ADAMTSL1: variants seen among roughly 807,000 people sequenced by gnomAD.
ADAMTSL1 encodes ADAMTS like 1, also known as ADAMTS-like protein 1.
A neutral mutation model predicts 201.8 loss-of-function variants in ADAMTSL1; 126 were observed. The observed-to-expected ratio is 0.62, with a 90% CI of 0.54 to 0.72. ADAMTSL1 has a LOEUF of 0.72. ADAMTSL1 is among the 30% of genes least tolerant of loss of function. ADAMTSL1 has a pLI of 0.00. For missense variants in ADAMTSL1, 2,679 were observed against 2,277.8 expected (o/e 1.18, Z -3.59); for synonymous variants, 1,121 against 903.4 (o/e 1.24, Z -4.32).
At chr9:18,690,644 G>A (rs1031562753) in intron 13 of ADAMTSL1, among the ~76,000 whole-genome samples, 1 of 152,148 alleles carries the variant, frequency 6.6e-6, no homozygotes, top group African/African-American at 2.4e-5. Context: ...GCAAAGAGTT[G>A]AGCATTAGAA....
Position 18,777,211 on chromosome 9 carries a change from C to G in ADAMTSL1, c.2982C>G (p.Thr994=), listed in dbSNP as rs776052560. The change falls in exon 19 of 29, where the codon ACC becomes ACG. Residue 994 remains threonine (T), a synonymous_variant. Coordinates refer to ENST00000380548, the MANE Select transcript of ADAMTSL1 (RefSeq NM_001040272.6). The part of the protein sequence containing the change: ...RKGGPKEALQ[T]HKHQNGIFSN... Reference sequence around the variant, plus strand: ...GCGGCCCGAAGGAGGCCCTGCAGACCCACAAACACCAGAACGGGATCTTCT... The same window carrying G: ...GCGGCCCGAAGGAGGCCCTGCAGACGCACAAACACCAGAACGGGATCTTCT... 1.9e-6 allele frequency: 3 copies of G among 1,612,720 alleles called. No individual in the cohort carries two copies. The highest frequency in any genetic ancestry group is 3.3e-5 in the Admixed American group (2 of 60,004).
At chr9:18,510,515 C>T (rs1429667164) in intron 2 of ADAMTSL1, among the ~76,000 whole-genome samples, 2 of 152,096 alleles carry the variant, frequency 1.3e-5, no homozygotes, top group African/African-American at 4.8e-5. Flanking sequence ...TCTCCCCTAC[C>T]CTTTTTCTGA....
Position 17,952,376 on chromosome 9 carries a change from A to T in ADAMTSL1, c.87+45454A>T, listed in dbSNP as rs1206941701. ...TTTTTAACTTACAGGCCTTTAATCC[A>T]TGTGGTAATTTTTTGTTTACATCTA... On this transcript the variant is annotated intron_variant, in intron 1 of 29. Transcript: ENST00000680146. 2.0e-5 allele frequency among the ~76,000 whole-genome samples: 3 copies of T among 151,904 alleles called. No homozygotes were observed. In the East Asian group the frequency reaches 5.8e-4, roughly 29 times the overall value.
chr9:18,648,883 G>A (rs368033010), intron 7 of ADAMTSL1, among the ~76,000 whole-genome samples: 4 of 152,058 alleles, frequency 2.6e-5, no homozygotes, highest in Non-Finnish European at 5.9e-5. Flanking sequence ...TGCTCTTCTC[G>A]AGGAGTACCT....
chr9:18,890,414 G>A lies in ADAMTSL1; in HGVS notation c.4643+666G>A, dbSNP rs1829171595. The A allele has an allele frequency of 9.3e-6, 4 of 429,638 alleles. No individual in the cohort carries two copies. The Admixed American group carries it at 1.0e-4, about 11-fold the overall frequency. 26.6% of individuals were successfully genotyped at this position (429,638 alleles called of 1,614,324 possible). A position where few individuals can be genotyped will look rare whatever the true frequency, so the allele number is the denominator to read the frequency against. The stretch of plus-strand genomic sequence containing the variant: ...CCTCTGTCCTCAGCAGTAGTTAAAT[G>A]GATAATAGATGGGCTTGGAGTTGGC... On this transcript the variant is annotated intron_variant, in intron 25 of 28. Transcript: ENST00000380548.
At chr9:18,678,395 C>T (rs1039003139) in intron 10 of ADAMTSL1, among the ~76,000 whole-genome samples, 1 of 152,090 alleles carries the variant, frequency 6.6e-6, no homozygotes, top group Non-Finnish European at 1.5e-5. Context: ...TGTTTTACTT[C>T]AAGATTCCAC....
chr9:18,828,660 T>TTTTTTTATATA (rs10685537), intron 22 of ADAMTSL1, among the ~76,000 whole-genome samples: 3 of 28,534 alleles, frequency 1.1e-4, no homozygotes, highest in African/African-American at 3.5e-4. Flanking sequence ...GAAAGTATAT[T>TTTTTTTATATA]TATATATATA....
intron 1 of ADAMTSL1, among the ~76,000 whole-genome samples, chr9:18,019,012 G>A (rs1468163437): frequency 6.6e-6 from 1 of 152,050 alleles, no homozygotes; most frequent in African/African-American, 2.4e-5. Context: ...GAACACATTA[G>A]TCATAGAATT....
intron 4 of ADAMTSL1, among the ~76,000 whole-genome samples, chr9:18,588,875 A>G (rs1027350075): frequency 8.5e-6 from 1 of 118,196 alleles, no homozygotes; most frequent in Non-Finnish European, 1.8e-5. Context: ...TGCCATATAT[A>G]TACATATACA....
intron 2 of ADAMTSL1, among the ~76,000 whole-genome samples, chr9:18,316,423 TG>T (rs905332684): frequency 2.0e-5 from 3 of 152,054 alleles, no homozygotes; most frequent in African/African-American, 7.2e-5. Context: ...CGGGCACACC[TG>T]GGGGGGCCGT....
intron 2 of ADAMTSL1, among the ~76,000 whole-genome samples, chr9:18,520,891 G>A (rs1218527218): frequency 5.3e-5 from 8 of 152,216 alleles, no homozygotes; most frequent in African/African-American, 1.9e-4. Flanking sequence ...AAAGGCAGTG[G>A]AAAACTGCTT....
At chr9:18,871,061 TAAAG>T (rs2131461962) in intron 23 of ADAMTSL1, among the ~76,000 whole-genome samples, 1 of 152,338 alleles carries the variant, frequency 6.6e-6, no homozygotes, top group Non-Finnish European at 1.5e-5. Flanking sequence ...CTAAATTATA[TAAAG>T]AGATAGGTGT....
At chr9:17,934,367 T>A (rs527820656) in intron 1 of ADAMTSL1, among the ~76,000 whole-genome samples, 1 of 152,284 alleles carries the variant, frequency 6.6e-6, no homozygotes, top group Admixed American at 6.5e-5. Context: ...CTTCCACCTT[T>A]TTATGACCTT....
At chr9:18,254,046 C>T (rs1831573224) in intron 2 of ADAMTSL1, among the ~76,000 whole-genome samples, 1 of 152,160 alleles carries the variant, frequency 6.6e-6, no homozygotes, top group East Asian at 1.9e-4. Context: ...GGAGGCAGCA[C>T]CTCCTCGAGT....
intron 2 of ADAMTSL1, among the ~76,000 whole-genome samples, chr9:18,222,356 G>T (rs1185087310): frequency 2.6e-5 from 4 of 151,342 alleles, no homozygotes; most frequent in Non-Finnish European, 5.9e-5. Flanking sequence ...CTTTGGCTTG[G>T]TTTATTTTAT....
At chr9:18,232,003 G>T (rs1301385737) in intron 2 of ADAMTSL1, among the ~76,000 whole-genome samples, 1 of 152,146 alleles carries the variant, frequency 6.6e-6, no homozygotes, top group Non-Finnish European at 1.5e-5. Context: ...TCAGTAAGCA[G>T]CCAGAGTGTA....
intron 15 of ADAMTSL1, among the ~76,000 whole-genome samples, chr9:18,735,874 T>C (rs1818474758): frequency 1.4e-5 from 2 of 146,288 alleles, no homozygotes. Flanking sequence ...ACTGATGCAC[T>C]TACTGGGGAA....
chr9:18,822,790 T>C (rs989447293), intron 21 of ADAMTSL1, among the ~76,000 whole-genome samples: 1 of 152,172 alleles, frequency 6.6e-6, no homozygotes, highest in African/African-American at 2.4e-5. Context: ...ATGTTCAATG[T>C]TATTTCTCCG....
chr9:18,684,608 C>T (rs886513337), intron 12 of ADAMTSL1, 108 bp from the exon 13 acceptor site: 15 of 1,219,156 alleles, frequency 1.2e-5, no homozygotes, highest in African/African-American at 1.5e-5. Context: ...AAAACTTATT[C>T]GTGTTGGTCA....
Sources: allele counts gnomAD v4.1 joint callset (sites outside exome capture counted in the v4.1 genomes callset), GRCh38; gene constraint gnomAD v4.1.1; transcripts MANE v1.5; gene names NCBI Gene and HGNC (gene_info 2026-07-23, HGNC 2026-07-21).